Variants in MAGI2 observed in about 807,000 individuals in gnomAD.
MAGI2 encodes membrane-associated guanylate kinase, WW and PDZ domain-containing protein 2.
MAGI2 carries 35 observed loss-of-function variants against 133.3 expected under a neutral mutation model. That is an observed-to-expected ratio of 0.26 (90% CI 0.20 to 0.35). The LOEUF is 0.35. Ranked by LOEUF, MAGI2 falls within the 10% of genes least tolerant of loss-of-function variation. MAGI2 has a pLI of 1.00. For synonymous variants in MAGI2, 729 were observed against 710.6 expected (o/e 1.03, Z -0.41); for missense variants, 1,636 against 1,863.4 (o/e 0.88, Z 2.25).
At chr7:78,535,897 C>A (rs956566701) in intron 3 of MAGI2, among the ~76,000 whole-genome samples, 47 of 150,624 alleles carry the variant, frequency 3.1e-4, no homozygotes, top group Admixed American at 9.3e-4. Flanking sequence ...CGCCTCCCCC[C>A]AACACTCAGG....
intron 10 of MAGI2, among the ~76,000 whole-genome samples, chr7:78,240,173 C>G (rs1448373173): frequency 1.3e-5 from 2 of 152,186 alleles, no homozygotes; most frequent in Non-Finnish European, 2.9e-5. Context: ...GTGATGTTCC[C>G]TGCCCTGTGT....
At chr7:78,886,821 G>A (rs1014211479) in intron 2 of MAGI2, among the ~76,000 whole-genome samples, 2 of 152,070 alleles carry the variant, frequency 1.3e-5, no homozygotes, top group African/African-American at 2.4e-5. Flanking sequence ...AAATTACATG[G>A]TGATATGGTT....
At chr7:78,288,720 T>A (rs1016869162) in intron 9 of MAGI2, among the ~76,000 whole-genome samples, 3 of 152,206 alleles carry the variant, frequency 2.0e-5, no homozygotes, top group African/African-American at 7.2e-5. Context: ...GACTGGCACC[T>A]CGTGCAGCCG....
chr7:78,948,989 A>T (rs1801655103), intron 2 of MAGI2, among the ~76,000 whole-genome samples: 1 of 152,140 alleles, frequency 6.6e-6, no homozygotes, highest in Non-Finnish European at 1.5e-5. Flanking sequence ...TATAGCAATC[A>T]GTCACAAAGA....
intron 1 of MAGI2, among the ~76,000 whole-genome samples, chr7:79,357,836 A>T (rs1394373030): frequency 6.6e-6 from 1 of 152,200 alleles, no homozygotes; most frequent in Non-Finnish European, 1.5e-5. Context: ...TAACTATAAA[A>T]AAACCTTGTC....
Position 78,605,128 on chromosome 7 carries a change from A to T in MAGI2, c.538+21992T>A, listed in dbSNP as rs370613627. 1.1e-4 allele frequency among the ~76,000 whole-genome samples: 16 copies of T among 152,318 alleles called. No individual in the cohort carries two copies. The East Asian group carries it at 2.5e-3, about 24-fold the overall frequency. On this transcript the variant is annotated intron_variant, in intron 3 of 21. Coordinates refer to ENST00000354212, the MANE Select transcript of MAGI2 (RefSeq NM_012301.4). ...CCTCTAGATGCAATGTGAAAACTGGAGTGGAGGGAATCCAGATTCTATTTA... is the reference window on the plus strand; with the variant it reads ...CCTCTAGATGCAATGTGAAAACTGGTGTGGAGGGAATCCAGATTCTATTTA...
intron 1 of MAGI2, among the ~76,000 whole-genome samples, chr7:79,045,125 T>C (rs1035770355): frequency 1.3e-5 from 2 of 152,222 alleles, no homozygotes; most frequent in Admixed American, 1.3e-4. Flanking sequence ...AAAATGAAAC[T>C]ATACTCAAGA....
At chr7:78,993,002 A>G (rs1056021054) in intron 2 of MAGI2, among the ~76,000 whole-genome samples, 6 of 152,106 alleles carry the variant, frequency 3.9e-5, no homozygotes, top group Non-Finnish European at 7.4e-5. Context: ...TGTGAGAAAT[A>G]TGATTATGAA....
At chr7:79,053,367 A>C (rs1812853989) in intron 1 of MAGI2, among the ~76,000 whole-genome samples, 1 of 152,302 alleles carries the variant, frequency 6.6e-6, no homozygotes, top group South Asian at 2.1e-4. Context: ...AGAAAATATC[A>C]GTTTTCCAAA....
intron 21 of MAGI2, among the ~76,000 whole-genome samples, chr7:78,040,042 C>A (rs757838958): frequency 6.6e-6 from 1 of 152,206 alleles, no homozygotes; most frequent in African/African-American, 2.4e-5. Flanking sequence ...TAGAGGGCAG[C>A]TCCTAGCATA....
chr7:78,187,951 T>C (rs1252136207), intron 12 of MAGI2, among the ~76,000 whole-genome samples: 1 of 152,206 alleles, frequency 6.6e-6, no homozygotes, highest in East Asian at 1.9e-4. Context: ...ATTAAATAAC[T>C]TTCAATCAAG....
At chr7:78,894,981 C>A (rs890429023) in intron 2 of MAGI2, among the ~76,000 whole-genome samples, 1 of 152,124 alleles carries the variant, frequency 6.6e-6, no homozygotes, top group Non-Finnish European at 1.5e-5. Context: ...CTGTAACTGA[C>A]ACTGAAATTT....
intron 6 of MAGI2, among the ~76,000 whole-genome samples, chr7:78,418,939 A>C (rs1798546287): frequency 6.6e-6 from 1 of 152,126 alleles, no homozygotes. Context: ...TAAGGTCTGA[A>C]TATTGCAATA....
intron 2 of MAGI2, among the ~76,000 whole-genome samples, chr7:78,789,000 G>A (rs1193469815): frequency 6.6e-6 from 1 of 151,970 alleles, no homozygotes; most frequent in Non-Finnish European, 1.5e-5. Context: ...CTTTCTCCTG[G>A]CATCCTGTCT....
intron 1 of MAGI2, among the ~76,000 whole-genome samples, chr7:79,035,216 G>A (rs1811011137): frequency 6.6e-6 from 1 of 151,778 alleles, no homozygotes; most frequent in Admixed American, 6.6e-5. Flanking sequence ...GGTGGCGGCG[G>A]GGGCAGGGGG....
At chr7:78,103,516 A>G (rs1818387706) in intron 20 of MAGI2, among the ~76,000 whole-genome samples, 1 of 152,206 alleles carries the variant, frequency 6.6e-6, no homozygotes, top group Non-Finnish European at 1.5e-5. Context: ...TATATTAATT[A>G]CCTTGTTTAA....
At chr7:78,869,954 C>T (rs1794896747) in intron 2 of MAGI2, among the ~76,000 whole-genome samples, 1 of 152,076 alleles carries the variant, frequency 6.6e-6, no homozygotes, top group Non-Finnish European at 1.5e-5. Flanking sequence ...GGTCTTTGTG[C>T]CTGTTTTTCT....
intron 1 of MAGI2, among the ~76,000 whole-genome samples, chr7:79,144,356 T>C (rs1004112731): frequency 4.6e-5 from 7 of 152,120 alleles, no homozygotes; most frequent in African/African-American, 1.7e-4. Context: ...GATTTCCCCT[T>C]TGCTGTTCTC....
chr7:78,345,630 T>C (rs1221861712), intron 8 of MAGI2: 14 of 323,310 alleles, frequency 4.3e-5, no homozygotes, highest in East Asian at 4.0e-4. Context: ...GACAAACTTA[T>C]GAGTCTCTAT....
Sources: gnomAD v4.1 joint callset for allele counts (sites outside exome capture counted in the v4.1 genomes callset) on GRCh38, gnomAD v4.1.1 for gene constraint, MANE v1.5 for transcripts, NCBI Gene and HGNC (gene_info 2026-07-23, HGNC 2026-07-21) for gene names.